The following NAV2 variants were observed in gnomAD, a reference collection of about 807,000 sequenced individuals.
NAV2 encodes the protein neuron navigator 2, also known as helicase, APC down-regulated 1.
In NAV2, 54 loss-of-function variants were observed where a neutral mutation model predicts 223.2. The observed-to-expected ratio is 0.24, with a 90% CI of 0.19 to 0.30. NAV2 has a LOEUF of 0.30. Ranked by LOEUF, NAV2 falls within the 10% of genes least tolerant of loss-of-function variation. The pLI, the probability that NAV2 is intolerant of heterozygous loss-of-function variation, is 1.00. For missense variants in NAV2, 2,806 were observed against 3,147.5 expected, an observed-to-expected ratio of 0.89 and a Z score of 2.60; for synonymous variants, 1,279 against 1,239.3, an observed-to-expected ratio of 1.03 and a Z score of -0.67.
chr11:19,690,264 T>C (rs1472812016), intron 1 of NAV2, among the ~76,000 whole-genome samples: 1 of 152,166 alleles, frequency 6.6e-6, no homozygotes, highest in Non-Finnish European at 1.5e-5. Context: ...GCCCAGCCCA[T>C]TTACATCTAT....
intron 1 of NAV2, among the ~76,000 whole-genome samples, chr11:19,356,935 G>A (rs1853655218): frequency 6.6e-6 from 1 of 152,194 alleles, no homozygotes; most frequent in South Asian, 2.1e-4. Flanking sequence ...GCCGCTAGAA[G>A]TTGAACAATG....
Position 20,106,010 on chromosome 11 carries a change from G to C in NAV2, c.6841+283G>C, listed in dbSNP as rs1482452219. Among the ~76,000 whole-genome samples the C allele has an allele frequency of 2.6e-5, 4 of 151,382 alleles. No homozygotes were observed. In the East Asian group the frequency reaches 5.9e-4, roughly 22 times the overall value. ...AAGCTGAAGCTACCCTCTGGGATTG[G>C]CTTTGCTTGAAAAATAAAATTTTAT... On this transcript the variant is annotated intron_variant, in intron 35 of 37. Transcript: ENST00000349880.
chr11:20,041,529 T>A (rs1211381323), intron 12 of NAV2, among the ~76,000 whole-genome samples: 1 of 152,182 alleles, frequency 6.6e-6, no homozygotes, highest in Non-Finnish European at 1.5e-5. Context: ...ATAGGAACAT[T>A]AAAAGAATAA....
intron 1 of NAV2, among the ~76,000 whole-genome samples, chr11:19,571,939 G>A (rs2045439299): frequency 6.6e-6 from 1 of 152,126 alleles, no homozygotes; most frequent in African/African-American, 2.4e-5. Flanking sequence ...AGAAGGAGAG[G>A]GGAGACTGTG....
At chr11:19,813,367 G>A (rs867215822) in intron 1 of NAV2, among the ~76,000 whole-genome samples, 51 of 152,190 alleles carry the variant, frequency 3.4e-4, no homozygotes, top group African/African-American at 8.7e-4. Flanking sequence ...AGAGCTTCAT[G>A]CCCAGCTTTT....
chr11:20,046,394 C>T (rs568377301), intron 14 of NAV2, among the ~76,000 whole-genome samples: 1 of 151,902 alleles, frequency 6.6e-6, no homozygotes, highest in African/African-American at 2.4e-5. Context: ...CTTGATACAC[C>T]CTTGGACCTA....
chr11:19,373,107 T>C (rs1848526738), intron 1 of NAV2, among the ~76,000 whole-genome samples: 2 of 152,346 alleles, frequency 1.3e-5, no homozygotes, highest in South Asian at 2.1e-4. Context: ...CTCTTTCTTT[T>C]TCTCCCATGT....
chr11:19,843,460 T>C (rs1395454325), intron 3 of NAV2, among the ~76,000 whole-genome samples: 1 of 152,218 alleles, frequency 6.6e-6, no homozygotes, highest in Non-Finnish European at 1.5e-5. Context: ...CATGATGCAT[T>C]TAAGTTCTGA....
chr11:19,733,727 C>T (rs532269038), intron 1 of NAV2, among the ~76,000 whole-genome samples: 18 of 151,994 alleles, frequency 1.2e-4, no homozygotes, highest in Middle Eastern at 3.4e-3. Context: ...TAGGGGAAGG[C>T]GGGCTGAAAA....
chr11:19,382,835 A>G (rs899423325), intron 1 of NAV2, among the ~76,000 whole-genome samples: 1 of 152,210 alleles, frequency 6.6e-6, no homozygotes, highest in South Asian at 2.1e-4. Context: ...TAGCTAGTAC[A>G]TGACAGAGGC....
chr11:20,098,471 C>T (rs2061425559), intron 31 of NAV2, among the ~76,000 whole-genome samples: 1 of 152,222 alleles, frequency 6.6e-6, no homozygotes, highest in Non-Finnish European at 1.5e-5. Context: ...TTATGGACCA[C>T]TTGAATATAG....
At chr11:19,566,703 T>A (rs1232201741) in intron 1 of NAV2, among the ~76,000 whole-genome samples, 1 of 152,138 alleles carries the variant, frequency 6.6e-6, no homozygotes, top group African/African-American at 2.4e-5. Context: ...AATCCATATT[T>A]ATGAAACACC....
chr11:19,733,380 G>C (rs2051992085), intron 1 of NAV2, among the ~76,000 whole-genome samples: 1 of 152,188 alleles, frequency 6.6e-6, no homozygotes, highest in Admixed American at 6.5e-5. Context: ...ATAGCTCCAG[G>C]TTTTGAGCTC....
intron 1 of NAV2, among the ~76,000 whole-genome samples, chr11:19,363,426 C>T (rs997880078): frequency 1.3e-5 from 2 of 152,110 alleles, no homozygotes; most frequent in Non-Finnish European, 2.9e-5. Context: ...TATCATCATC[C>T]TCATTTTACA....
At chr11:20,074,760 C>CTT (rs1554948003) in intron 22 of NAV2, among the ~76,000 whole-genome samples, 9 of 110,262 alleles carry the variant, frequency 8.2e-5, no homozygotes, top group African/African-American at 2.3e-4. Context: ...TGCAACTCTG[C>CTT]TTTTTTTTTT....
intron 1 of NAV2, among the ~76,000 whole-genome samples, chr11:19,539,684 C>A (rs1196812079): frequency 6.6e-6 from 1 of 152,108 alleles, no homozygotes; most frequent in Non-Finnish European, 1.5e-5. Flanking sequence ...ATTTGGAAAG[C>A]CATTATCAGC....
At chr11:19,733,477 G>A (rs894827370) in intron 1 of NAV2, among the ~76,000 whole-genome samples, 1 of 152,264 alleles carries the variant, frequency 6.6e-6, no homozygotes. Flanking sequence ...ACAGTGGAAG[G>A]CATGTGCTTG....
chr11:19,504,120 A>G (rs2043045366), intron 1 of NAV2, among the ~76,000 whole-genome samples: 1 of 152,238 alleles, frequency 6.6e-6, no homozygotes, highest in South Asian at 2.1e-4. Context: ...GGACAGCACC[A>G]TACATCTATT....
chr11:19,753,074 C>T lies in NAV2; in HGVS notation c.267+39112C>T, dbSNP rs1485724315. 4.6e-5 allele frequency among the ~76,000 whole-genome samples: 7 copies of T among 152,144 alleles called. No individual in the cohort carries two copies. The South Asian group carries it at 1.0e-3, about 23-fold the overall frequency. On this transcript the variant is annotated intron_variant, in intron 1 of 37. Coordinates refer to ENST00000349880, the MANE Select transcript of NAV2 (RefSeq NM_145117.5). ...ACTGCCTGTGAATCAGGAGGAACAC[C>T]GTTACCAAGAACCTAACCATGCTGG... is the stretch of plus-strand genomic sequence containing the variant.
Sources: gnomAD v4.1 joint callset for allele counts (sites outside exome capture counted in the v4.1 genomes callset) on GRCh38, gnomAD v4.1.1 for gene constraint, MANE v1.5 for transcripts, NCBI Gene and HGNC (gene_info 2026-07-23, HGNC 2026-07-21) for gene names.